PRDM16: variants seen among roughly 807,000 people sequenced by gnomAD.
The protein encoded by PRDM16 is histone-lysine N-methyltransferase PRDM16.
PRDM16 carries 23 observed loss-of-function variants against 110.6 expected under a neutral mutation model. The observed-to-expected ratio is 0.21, with a 90% CI of 0.15 to 0.29. The LOEUF (loss-of-function observed/expected upper bound fraction) is 0.29. PRDM16 is among the 10% of genes least tolerant of loss of function. PRDM16 has a pLI of 1.00. For missense variants in PRDM16, 1,615 were observed against 1,794.3 expected, an observed-to-expected ratio of 0.90 and a Z score of 1.81; for synonymous variants, 799 against 781.8, an observed-to-expected ratio of 1.02 and a Z score of -0.37.
At chr1:3,180,970 G>A (rs879741582) in intron 1 of PRDM16, among the ~76,000 whole-genome samples, 11,552 of 134,258 alleles carry the variant, frequency 0.086, 741 homozygotes, top group East Asian at 0.19. Context: ...TTACACACTC[G>A]GTCTTACACA....
At chr1:3,274,697 T>C (rs964174481) in intron 3 of PRDM16, among the ~76,000 whole-genome samples, 1 of 152,218 alleles carries the variant, frequency 6.6e-6, no homozygotes, top group Admixed American at 6.5e-5. Context: ...TATTACAGAC[T>C]CTGTCTGCAC....
chr1:3,187,872 CAG>C (rs1482832145), intron 2 of PRDM16, among the ~76,000 whole-genome samples: 1 of 152,182 alleles, frequency 6.6e-6, no homozygotes, highest in Admixed American at 6.5e-5. Flanking sequence ...AAACGTGCGG[CAG>C]AGTCTGCGGC....
chr1:3,366,803 T>A (rs1642824443), intron 3 of PRDM16, among the ~76,000 whole-genome samples: 1 of 152,210 alleles, frequency 6.6e-6, no homozygotes, highest in African/African-American at 2.4e-5. Flanking sequence ...AATGTGTGGT[T>A]AACATGCTAT....
At chr1:3,278,684 C>T (rs549445791) in intron 3 of PRDM16, among the ~76,000 whole-genome samples, 3 of 152,284 alleles carry the variant, frequency 2.0e-5, no homozygotes, top group South Asian at 2.1e-4. Context: ...TGGTCTGGTT[C>T]GGCTAGGGTA....
rs748267909 is a variant in PRDM16 at position 3,069,233 on chromosome 1, A to T, written c.-27A>T. The stretch of plus-strand genomic sequence containing the variant: ...GTGGCTGCTTCTGGACTCAAGGAGG[A>T]GGAGAGAGATTCCGCGAGCCGACAC... On this transcript the variant is annotated 5_prime_UTR_variant, in exon 1 of 17. Coordinates refer to ENST00000270722, the MANE Select transcript of PRDM16 (RefSeq NM_022114.4). The surrounding 1 kb of genome is among the most constrained non-coding windows in gnomAD (Gnocchi z 6.1). 1.9e-6 allele frequency: 3 copies of T among 1,576,188 alleles called. No individual in the cohort carries two copies. The highest frequency in any genetic ancestry group is 2.6e-6 in the Non-Finnish European group (3 of 1,161,572).
chr1:3,359,202 G>A lies in PRDM16; in HGVS notation c.439-25950G>A, dbSNP rs1642667942. The stretch of plus-strand genomic sequence containing the variant: ...CTACAGGCAGGTGCCACCGTGCCTA[G>A]TTAATATGTCCATTTTGTGTTGACT... On this transcript the variant is annotated intron_variant, in intron 3 of 16. Coordinates refer to ENST00000270722, the MANE Select transcript of PRDM16 (RefSeq NM_022114.4). This position sits in a 1 kb window ranked among gnomAD's most constrained non-coding sequence, Gnocchi z 4.3. 6.6e-6 allele frequency among the ~76,000 whole-genome samples: 1 copy of A among 152,118 alleles called. No homozygotes were observed. The highest frequency in any genetic ancestry group is 1.5e-5 in the Non-Finnish European group (1 of 68,022).
chr1:3,320,981 C>G (rs995571182), intron 3 of PRDM16, among the ~76,000 whole-genome samples: 1 of 152,352 alleles, frequency 6.6e-6, no homozygotes, highest in South Asian at 2.1e-4. Context: ...CCGAGGGAGA[C>G]GAAACGCGTG....
intron 1 of PRDM16, among the ~76,000 whole-genome samples, chr1:3,134,582 C>T (rs1000415871): frequency 6.7e-5 from 10 of 148,884 alleles, no homozygotes; most frequent in Non-Finnish European, 1.3e-4. Flanking sequence ...GAGCCCGCCT[C>T]CCCCTGGAAG....
intron 3 of PRDM16, among the ~76,000 whole-genome samples, chr1:3,277,323 C>T (rs548811096): frequency 7.9e-5 from 12 of 152,346 alleles, no homozygotes; most frequent in African/African-American, 2.9e-4. Context: ...GCTTCACTCT[C>T]CCTGTGGCGC....
At chr1:3,348,419 G>A (rs558359477) in intron 3 of PRDM16, among the ~76,000 whole-genome samples, 2 of 152,334 alleles carry the variant, frequency 1.3e-5, no homozygotes, top group East Asian at 3.9e-4. Flanking sequence ...AGCGGTGGGG[G>A]CAGCTCTTCA....
intron 1 of PRDM16, among the ~76,000 whole-genome samples, chr1:3,172,285 AC>A (rs1283991209): frequency 6.6e-6 from 1 of 152,160 alleles, no homozygotes; most frequent in Non-Finnish European, 1.5e-5. Flanking sequence ...CTCCCAAGGT[AC>A]AGAGGCTGGA....
intron 3 of PRDM16, among the ~76,000 whole-genome samples, chr1:3,333,849 C>T (rs1413420056): frequency 2.0e-5 from 3 of 152,108 alleles, no homozygotes; most frequent in Non-Finnish European, 4.4e-5. Context: ...CCAGCCTCTC[C>T]CTCTTGCCCA....
At chr1:3,074,056 C>G (rs1010948369) in intron 1 of PRDM16, among the ~76,000 whole-genome samples, 1 of 152,192 alleles carries the variant, frequency 6.6e-6, no homozygotes, top group Non-Finnish European at 1.5e-5. Context: ...TGCAGAGAAA[C>G]GGAGGCAGAG....
chr1:3,366,558 T>C (rs1294307454), intron 3 of PRDM16, among the ~76,000 whole-genome samples: 2 of 152,182 alleles, frequency 1.3e-5, no homozygotes, highest in Non-Finnish European at 2.9e-5. Flanking sequence ...ATTGGAAATA[T>C]CAATTCAGAA....
intron 1 of PRDM16, among the ~76,000 whole-genome samples, chr1:3,134,775 C>A (rs1395581216): frequency 1.3e-5 from 2 of 152,228 alleles, no homozygotes; most frequent in African/African-American, 4.8e-5. Context: ...TCAAAAATGA[C>A]AAAAATGTCC....
chr1:3,325,258 G>A (rs1021310638), intron 3 of PRDM16, among the ~76,000 whole-genome samples: 15 of 152,362 alleles, frequency 9.8e-5, no homozygotes, highest in African/African-American at 3.4e-4. Context: ...ACTTGGGTAA[G>A]CTGCTCAGCT....
intron 3 of PRDM16, among the ~76,000 whole-genome samples, chr1:3,280,561 G>T (rs544911591): frequency 2.0e-5 from 3 of 152,092 alleles, no homozygotes; most frequent in Non-Finnish European, 2.9e-5. Flanking sequence ...GCCTTCCATC[G>T]CCTCCCTCGA....
At chr1:3,234,482 A>G (rs1473495082) in intron 2 of PRDM16, among the ~76,000 whole-genome samples, 1 of 152,136 alleles carries the variant, frequency 6.6e-6, no homozygotes, top group African/African-American at 2.4e-5. Flanking sequence ...CTCGAGGCCC[A>G]GGTATCTGAT....
intron 3 of PRDM16, among the ~76,000 whole-genome samples, chr1:3,264,107 C>T (rs1025603040): frequency 2.0e-5 from 3 of 152,208 alleles, no homozygotes; most frequent in African/African-American, 7.2e-5. Flanking sequence ...TTCCCCAGAG[C>T]CCACCATCCC....
Sources: allele counts gnomAD v4.1 joint callset (sites outside exome capture counted in the v4.1 genomes callset), GRCh38; gene constraint gnomAD v4.1.1; non-coding constraint Gnocchi (gnomAD v3.1); transcripts MANE v1.5; gene names NCBI Gene and HGNC (gene_info 2026-07-23, HGNC 2026-07-21).